MTMR1: variants seen among roughly 807,000 people sequenced by gnomAD.
The protein encoded by MTMR1 is phosphatidylinositol-3-phosphate phosphatase MTMR1.
In MTMR1, 17 loss-of-function variants were observed where a neutral mutation model predicts 51.6. That is an observed-to-expected ratio of 0.33 (90% CI 0.23 to 0.49). MTMR1 has a LOEUF of 0.49. Among genes scored for constraint, MTMR1 ranks in the 20% least tolerant of loss-of-function variants. The pLI, the probability that MTMR1 is intolerant of heterozygous loss-of-function variation, is 0.99. For synonymous variants in MTMR1, 201 were observed against 205.6 expected, an observed-to-expected ratio of 0.98 and a Z score of 0.19; for missense variants, 386 against 526.9, an observed-to-expected ratio of 0.73 and a Z score of 2.62.
At chrX:150,724,339 G>A (rs1177002253) in intron 4 of MTMR1, among the ~76,000 whole-genome samples, 1 of 110,447 alleles carries the variant, frequency 9.1e-6, no homozygotes, top group Non-Finnish European at 1.9e-5. Flanking sequence ...CTAATGTTCA[G>A]TGATACTGAG....
Position 150,727,705 on chromosome X carries a change from G to A in MTMR1, c.469G>A (p.Val157Ile). The A allele has an allele frequency of 8.3e-7, 1 of 1,210,276 alleles. No individual in the cohort carries two copies. The highest frequency in any genetic ancestry group is 1.1e-6 in the Non-Finnish European group (1 of 894,484). Reference sequence around the variant, plus strand: ...CTAGGACCCGCATTTTATCCTTGATGTTCCCCTTGGAGTGATCAGCAGAGT... The same window carrying A: ...CTAGGACCCGCATTTTATCCTTGATATTCCCCTTGGAGTGATCAGCAGAGT... ...VERDPHFILD[V>I]PLGVISRVEK... Residue 157 changes from valine (V) to isoleucine (I), a missense_variant, in exon 6 of 16, where the codon GTT becomes ATT. Coordinates refer to ENST00000445323, the MANE Select transcript of MTMR1 (RefSeq NM_001306144.3).
chrX:150,731,373 G>T, intron 8 of MTMR1, 97 bp from the exon 9 acceptor site: 1 of 738,783 alleles, frequency 1.4e-6, no homozygotes, highest in Non-Finnish European at 1.9e-6. Context: ...ACGGATTTTA[G>T]TTGCAAATAA....
chrX:150,762,014 C>G (rs781977581), intron 15 of MTMR1, among the ~76,000 whole-genome samples: 82 of 112,860 alleles, frequency 7.3e-4, no homozygotes, highest in African/African-American at 2.3e-3. Flanking sequence ...CCCCACCCCC[C>G]TGCCGGCACT....
intron 10 of MTMR1, among the ~76,000 whole-genome samples, chrX:150,733,107 A>G (rs1410723492): frequency 1.8e-5 from 2 of 112,521 alleles, no homozygotes; most frequent in Non-Finnish European, 3.8e-5. Context: ...TTAGAATGGA[A>G]TCAGCCATGT....
intron 1 of MTMR1, among the ~76,000 whole-genome samples, chrX:150,698,680 G>A (rs481435): frequency 0.35 from 21,861 of 62,315 alleles, 3,471 homozygotes; most frequent in African/African-American, 0.61. Flanking sequence ...ACACGCGCGC[G>A]CACACACACA....
intron 14 of MTMR1, among the ~76,000 whole-genome samples, chrX:150,754,260 T>C (rs957719615): frequency 2.7e-5 from 3 of 113,112 alleles, no homozygotes; most frequent in African/African-American, 9.6e-5. Context: ...GAAGTATGAG[T>C]CCTCCTACTT....
intron 15 of MTMR1, among the ~76,000 whole-genome samples, chrX:150,762,227 G>A (rs1189789323): frequency 1.8e-5 from 2 of 113,006 alleles, no homozygotes; most frequent in Non-Finnish European, 3.7e-5. Context: ...CACTGCTCGT[G>A]CCGAGTCTGC....
At chrX:150,728,447 T>A (rs1442248879) in intron 6 of MTMR1, among the ~76,000 whole-genome samples, 2 of 111,863 alleles carry the variant, frequency 1.8e-5, no homozygotes, top group Non-Finnish European at 3.8e-5. Context: ...GTTTTAAGAC[T>A]ACGTTCAGAA....
intron 1 of MTMR1, among the ~76,000 whole-genome samples, chrX:150,697,680 T>G (rs2040726040): frequency 8.9e-6 from 1 of 111,956 alleles, no homozygotes; most frequent in African/African-American, 3.3e-5. Flanking sequence ...TGGGCAAAAC[T>G]GGACCTTAAT....
At chrX:150,726,789 C>G (rs2041953707) in intron 4 of MTMR1, among the ~76,000 whole-genome samples, 1 of 112,156 alleles carries the variant, frequency 8.9e-6, no homozygotes, top group Admixed American at 9.4e-5. Flanking sequence ...GTTTTGTCTT[C>G]TGTAAAAAGA....
At chrX:150,719,324 A>G (rs782245471) in intron 4 of MTMR1, among the ~76,000 whole-genome samples, 1 of 111,619 alleles carries the variant, frequency 9.0e-6, no homozygotes, top group African/African-American at 3.3e-5. Context: ...TCCTTCTTCC[A>G]TCATGGCTTT....
At chrX:150,734,646 A>T (rs781904313) in intron 10 of MTMR1, among the ~76,000 whole-genome samples, 2 of 112,841 alleles carry the variant, frequency 1.8e-5, no homozygotes, top group Admixed American at 1.9e-4. Context: ...TAGAGACAGG[A>T]CACTAAATTG....
chrX:150,736,183 T>TCCTTAGAAGAAGAGGAGAAGAGA (rs2042263525), intron 10 of MTMR1: 1 of 123,733 alleles, frequency 8.1e-6, no homozygotes, highest in Non-Finnish European at 1.6e-5. Context: ...AATGACTGTG[T>TCCTTAGAAGAAGAGGAGAAGAGA]CCTTAGAAGA....
At chrX:150,756,003 A>G (rs1557417753) in intron 15 of MTMR1, 138 bp downstream of exon 15, 6 of 506,758 alleles carry the variant, frequency 1.2e-5, no homozygotes, top group East Asian at 7.4e-5. Context: ...TCAGGGTTCA[A>G]TCCTTTGCAT....
intron 13 of MTMR1, 131 bp from the exon 14 acceptor site, chrX:150,750,599 A>C: frequency 2.3e-6 from 1 of 433,868 alleles, no homozygotes; most frequent in Non-Finnish European, 3.9e-6. Flanking sequence ...GTTGAACTTT[A>C]CATGGGCTCA....
chrX:150,699,123 T>G, intron 1 of MTMR1, 72 bp from the exon 2 acceptor site: 2 of 601,630 alleles, frequency 3.3e-6, no homozygotes, highest in Non-Finnish European at 5.1e-6. Flanking sequence ...GTTATCATAT[T>G]CCTATTCAGT....
At chrX:150,730,652 T>C in intron 8 of MTMR1, 44 bp downstream of exon 8, 9 of 807,120 alleles carry the variant, frequency 1.1e-5, no homozygotes, top group Non-Finnish European at 1.6e-5. Context: ...AGGTTGAGCA[T>C]CTTTTTCTCT....
chrX:150,738,200 C>T (rs782423559), intron 12 of MTMR1, among the ~76,000 whole-genome samples: 1 of 112,583 alleles, frequency 8.9e-6, no homozygotes, highest in East Asian at 2.8e-4. Flanking sequence ...TTTGCCTTTT[C>T]TAGGTACTTC....
intron 15 of MTMR1, 68 bp from the exon 16 acceptor site, chrX:150,762,497 A>G: frequency 2.6e-6 from 3 of 1,175,460 alleles, no homozygotes; most frequent in Admixed American, 4.4e-5. Context: ...AGCCAACAGC[A>G]TCTCCATGTG....
Sources: allele counts gnomAD v4.1 joint callset (sites outside exome capture counted in the v4.1 genomes callset), GRCh38; gene constraint gnomAD v4.1.1; transcripts MANE v1.5; gene names NCBI Gene and HGNC (gene_info 2026-07-23, HGNC 2026-07-21).